MED12L: variants seen among roughly 807,000 people sequenced by gnomAD.
The protein encoded by MED12L is mediator complex subunit 12L, also known as mediator of RNA polymerase II transcription subunit 12-like protein.
MED12L carries 60 observed loss-of-function variants against 281.3 expected under a neutral mutation model. The observed-to-expected ratio is 0.21, with a 90% CI of 0.17 to 0.26. MED12L has a LOEUF of 0.26. MED12L is among the 10% of genes least tolerant of loss of function. The pLI is 1.00. For synonymous variants in MED12L, 974 were observed against 987.2 expected, an observed-to-expected ratio of 0.99 and a Z score of 0.25; for missense variants, 2,146 against 2,680.9, an observed-to-expected ratio of 0.80 and a Z score of 4.41.
At chr3:151,111,764 G>C (rs1448578704) in intron 2 of MED12L, among the ~76,000 whole-genome samples, 2 of 152,164 alleles carry the variant, frequency 1.3e-5, no homozygotes, top group Non-Finnish European at 2.9e-5. Context: ...TTTCAGAATA[G>C]GGCTCTAAAA....
At position 151,378,025 on chromosome 3, in the gene MED12L, A is replaced by G. The variant is rs1346865405; in HGVS notation, c.4330A>G (p.Arg1444Gly). The change falls in exon 31 of 45, where the codon AGG (arginine) becomes GGG (glycine). Residue 1444 changes from arginine to glycine, a missense_variant. Transcript: ENST00000687756. Reference sequence around the variant, plus strand: ...TTCTGATTTTAGTTCCTCCGAACGCAGGGGTGTATGGTTGGTGGCCCCCCT... The same window carrying G: ...TTCTGATTTTAGTTCCTCCGAACGCGGGGGTGTATGGTTGGTGGCCCCCCT... ...IKTFLSSSER[R>G]GVWLVAPLIA... 2 of 1,604,618 alleles carry G rather than the reference A, an allele frequency of 1.2e-6. No individual in the cohort carries two copies. The highest frequency in any genetic ancestry group is 1.7e-6 in the Non-Finnish European group (2 of 1,174,520).
intron 11 of MED12L, among the ~76,000 whole-genome samples, chr3:151,172,599 C>T (rs573592472): frequency 6.6e-6 from 1 of 152,328 alleles, no homozygotes; most frequent in African/African-American, 2.4e-5. Context: ...CATTGATCCA[C>T]TCAGGATGGG....
chr3:151,148,491 G>C (rs1198760517), intron 5 of MED12L, among the ~76,000 whole-genome samples: 1 of 152,182 alleles, frequency 6.6e-6, no homozygotes, highest in Non-Finnish European at 1.5e-5. Context: ...CGTCAGGCTG[G>C]TTAAACCCTC....
At chr3:151,337,735 G>T (rs1405123425) in intron 16 of MED12L, 3 of 1,379,518 alleles carry the variant, frequency 2.2e-6, no homozygotes, top group Non-Finnish European at 2.0e-6. Context: ...TTGCTTCTTC[G>T]TCAGTTAATA....
intron 13 of MED12L, among the ~76,000 whole-genome samples, chr3:151,190,407 G>C (rs569703324): frequency 1.3e-5 from 2 of 151,940 alleles, no homozygotes; most frequent in African/African-American, 2.4e-5. Flanking sequence ...CCTGACCTCA[G>C]GGGATCTGTC....
At chr3:151,326,595 G>T (rs1263326018) in intron 16 of MED12L, 1 of 152,170 alleles carries the variant, frequency 6.6e-6, no homozygotes, top group Non-Finnish European at 1.5e-5. Context: ...ATATACATGT[G>T]TGGTGCCAAA....
chr3:151,309,589 C>T (rs769654007), intron 16 of MED12L, among the ~76,000 whole-genome samples: 16 of 152,168 alleles, frequency 1.1e-4, no homozygotes, highest in Non-Finnish European at 2.4e-4. Context: ...CTCCCTATAC[C>T]GCCTTCAGGT....
chr3:151,393,220 TC>T (rs750485369), intron 38 of MED12L, among the ~76,000 whole-genome samples: 5 of 152,216 alleles, frequency 3.3e-5, no homozygotes, highest in Non-Finnish European at 7.4e-5. Context: ...TTTGGGGGCT[TC>T]CGTATTTAAA....
chr3:151,177,306 C>T (rs1014268867), intron 11 of MED12L, among the ~76,000 whole-genome samples: 7 of 152,038 alleles, frequency 4.6e-5, no homozygotes, highest in Admixed American at 2.6e-4. Flanking sequence ...TTGATTTACC[C>T]GTGATGTGAG....
chr3:151,402,599 G>A (rs971499664), intron 39 of MED12L, among the ~76,000 whole-genome samples: 1 of 152,170 alleles, frequency 6.6e-6, no homozygotes, highest in African/African-American at 2.4e-5. Context: ...GCCCCTTGTT[G>A]GTCACATGGG....
chr3:151,395,468 G>A (rs796159627), intron 39 of MED12L, among the ~76,000 whole-genome samples: 3 of 152,336 alleles, frequency 2.0e-5, no homozygotes, highest in African/African-American at 7.2e-5. Context: ...ATAGAAGACA[G>A]TGATCCATGT....
At chr3:151,309,762 C>A (rs954600070) in intron 16 of MED12L, among the ~76,000 whole-genome samples, 5 of 152,208 alleles carry the variant, frequency 3.3e-5, no homozygotes, top group Non-Finnish European at 7.3e-5. Flanking sequence ...TCTCCAGGGT[C>A]TAGCAGAGTA....
intron 30 of MED12L, 33 bp from the exon 31 acceptor site, chr3:151,377,978 CT>C: frequency 6.5e-7 from 1 of 1,542,140 alleles, no homozygotes. Context: ...GGAAAGGATG[CT>C]TTCTCCGGTG....
At position 151,181,576 on chromosome 3, in the gene MED12L, C is replaced by CTTTT. The variant is rs57658133; in HGVS notation, c.1495-3730_1495-3727dup. ...CATGCCACTGTACTTAGCTCATTGT[C>CTTTT]TTTTTTTTTTTTTTTTTTTTTTTTT... On this transcript the variant is annotated intron_variant, in intron 11 of 44. Transcript: ENST00000687756. 6.7e-3 allele frequency among the ~76,000 whole-genome samples: 316 copies of CTTTT among 47,098 alleles called. 42 individuals carry two copies. In the East Asian group the frequency reaches 0.14, roughly 21 times the overall value. 30.9% of individuals were successfully genotyped at this position (47,098 alleles called of 152,430 possible). A position where few individuals can be genotyped will look rare whatever the true frequency, so the allele number is the denominator to read the frequency against.
At position 151,151,046 on chromosome 3, in the gene MED12L, T is replaced by TTTTTTTTTTTTTTTTTTTTTTTTTA. The variant is rs1718422383; in HGVS notation, c.557-5107_557-5106insTTTTTTTTTTTTTTTTATTTTTTTT. On this transcript the variant is annotated intron_variant, in intron 5 of 44. Coordinates refer to ENST00000687756, the MANE Select transcript of MED12L (RefSeq NM_001393769.1). ...GCTGAAGTAGCTTTTTTTTTTTTTT[T>TTTTTTTTTTTTTTTTTTTTTTTTTA]TTTTTTTTGAGATAGAGTCTCATTG... is the stretch of plus-strand genomic sequence containing the variant. Among the ~76,000 whole-genome samples, 2 of 121,906 alleles carry TTTTTTTTTTTTTTTTTTTTTTTTTA rather than the reference T, an allele frequency of 1.6e-5. 1 individual carries two copies. The highest frequency in any genetic ancestry group is 3.4e-5 in the Non-Finnish European group (2 of 58,410). 80.0% of individuals were successfully genotyped at this position (121,906 alleles called of 152,430 possible). A position where few individuals can be genotyped will look rare whatever the true frequency, so the allele number is the denominator to read the frequency against.
intron 16 of MED12L, among the ~76,000 whole-genome samples, chr3:151,323,408 T>C (rs1383082517): frequency 6.6e-6 from 1 of 152,154 alleles, no homozygotes; most frequent in African/African-American, 2.4e-5. Flanking sequence ...AGACTAGATG[T>C]CCCAGTACAG....
chr3:151,139,423 T>C (rs562110084), intron 5 of MED12L, among the ~76,000 whole-genome samples: 12 of 152,304 alleles, frequency 7.9e-5, no homozygotes, highest in African/African-American at 2.6e-4. Context: ...AGGAGATGCA[T>C]GTGTGTGGAC....
At chr3:151,217,894 T>C (rs941788029) in intron 16 of MED12L, among the ~76,000 whole-genome samples, 4 of 152,164 alleles carry the variant, frequency 2.6e-5, no homozygotes, top group Non-Finnish European at 5.9e-5. Context: ...AGTAATAGAC[T>C]GAGAGATGTG....
chr3:151,190,601 CT>C (rs957063594), intron 13 of MED12L, 115 bp from the exon 14 acceptor site: 134 of 952,834 alleles, frequency 1.4e-4, no homozygotes, highest in East Asian at 5.8e-4. Context: ...TCCAATAGAT[CT>C]TTTTTTTCCC....
Sources: gnomAD v4.1 joint callset for allele counts (sites outside exome capture counted in the v4.1 genomes callset) on GRCh38, gnomAD v4.1.1 for gene constraint, MANE v1.5 for transcripts, NCBI Gene and HGNC (gene_info 2026-07-23, HGNC 2026-07-21) for gene names.